SPRY3: variants seen among roughly 807,000 people sequenced by gnomAD.
SPRY3 encodes the protein protein sprouty homolog 3.
In SPRY3, 15 loss-of-function variants were observed where a neutral mutation model predicts 20.2. The ratio of observed to expected loss-of-function variants is 0.74; its 90% CI spans 0.50 to 1.14. The LOEUF (loss-of-function observed/expected upper bound fraction) is 1.14. SPRY3 is among the 50% of genes most tolerant of loss of function. The probability of loss-of-function intolerance (pLI) is 0.00; values close to 1 mark genes in which losing one functional copy is unlikely to be tolerated. For synonymous variants in SPRY3, 143 were observed against 136.5 expected, an observed-to-expected ratio of 1.05 and a Z score of -0.33; for missense variants, 364 against 363.9, an observed-to-expected ratio of 1.00 and a Z score of 0.00.
At chrX:155,669,310 T>G (rs1200604644) in intron 2 of SPRY3, among the ~76,000 whole-genome samples, 1 of 111,627 alleles carries the variant, frequency 9.0e-6, no homozygotes. Context: ...ATTATATTTA[T>G]TTTTTGTATA....
chrX:155,738,835 C>G (rs994199579), intron 2 of SPRY3, among the ~76,000 whole-genome samples: 14 of 152,210 alleles, frequency 9.2e-5, no homozygotes, highest in African/African-American at 3.4e-4. Flanking sequence ...GCTTTGCATA[C>G]TCCACCCTGG....
exon 4 of SPRY3, chrX:155,776,276 G>C (rs1218616990): frequency 6.0e-6 from 1 of 167,136 alleles, no homozygotes; most frequent in African/African-American, 2.4e-5. Context: ...GTGTGGAAAA[G>C]AAAAGCTTAA....
intron 1 of SPRY3, among the ~76,000 whole-genome samples, chrX:155,625,692 A>G (rs1019638537): frequency 1.8e-5 from 2 of 110,895 alleles, no homozygotes; most frequent in Admixed American, 1.9e-4. Flanking sequence ...AGTTTAGAAA[A>G]TTTTCATTAC....
intron 2 of SPRY3, among the ~76,000 whole-genome samples, chrX:155,683,052 A>C (rs1408928005): frequency 8.9e-6 from 1 of 112,097 alleles, no homozygotes; most frequent in Non-Finnish European, 1.9e-5. Context: ...AAACTTTAAC[A>C]TGACGAGGAG....
chrX:155,704,054 C>A (rs1048092605), intron 2 of SPRY3, among the ~76,000 whole-genome samples: 5 of 151,844 alleles, frequency 3.3e-5, no homozygotes, highest in African/African-American at 1.2e-4. Context: ...GGCATAAAAT[C>A]TATTTACCTT....
At chrX:155,759,201 T>C (rs189026826) in intron 2 of SPRY3, among the ~76,000 whole-genome samples, 21 of 152,178 alleles carry the variant, frequency 1.4e-4, no homozygotes, top group Admixed American at 6.6e-4. Context: ...TTTTTGTATT[T>C]TTAGTAGAGA....
chrX:155,748,062 A>G (rs1488337690), intron 2 of SPRY3, among the ~76,000 whole-genome samples: 1 of 151,916 alleles, frequency 6.6e-6, no homozygotes, highest in Non-Finnish European at 1.5e-5. Context: ...CACATGCTGA[A>G]TAGCACTGTT....
chrX:155,753,460 T>C (rs2091272062), intron 2 of SPRY3, among the ~76,000 whole-genome samples: 1 of 151,996 alleles, frequency 6.6e-6, no homozygotes, highest in African/African-American at 2.4e-5. Flanking sequence ...TTCCATTGTA[T>C]GGATAGGTCA....
chrX:155,731,466 G>T (rs1445931411), intron 2 of SPRY3, among the ~76,000 whole-genome samples: 2 of 151,964 alleles, frequency 1.3e-5, no homozygotes, highest in African/African-American at 2.4e-5. Flanking sequence ...CATGCAGAAT[G>T]AAACTAAACC....
chrX:155,651,736 A>G (rs990544696), intron 1 of SPRY3, among the ~76,000 whole-genome samples: 1 of 111,597 alleles, frequency 9.0e-6, no homozygotes, highest in Non-Finnish European at 1.9e-5. Flanking sequence ...TAGTATATGT[A>G]TATATTTATG....
chrX:155,711,635 G>T (rs766460698), intron 2 of SPRY3, among the ~76,000 whole-genome samples: 1 of 147,198 alleles, frequency 6.8e-6, no homozygotes, highest in South Asian at 2.2e-4. Context: ...GTATTGTTTT[G>T]TTCATTTCAG....
chrX:155,766,989 C>A (rs1202468349), intron 2 of SPRY3, among the ~76,000 whole-genome samples: 1 of 152,100 alleles, frequency 6.6e-6, no homozygotes, highest in Non-Finnish European at 1.5e-5. Context: ...TCACTCGGCA[C>A]AGGCTGAGTA....
In SPRY3 at chrX:155,767,401, A is replaced by G. The variant is rs182969445; in HGVS notation, c.-281-561A>G. On this transcript the variant is annotated intron_variant, in intron 2 of 3. Transcript: ENST00000675360. ...CTGCCCCCACTGCAGATTATATACCAACACACCCTGAGCCATATAAATAAT... is the reference window on the plus strand; with the variant it reads ...CTGCCCCCACTGCAGATTATATACCGACACACCCTGAGCCATATAAATAAT... Among the ~76,000 whole-genome samples the G allele has an allele frequency of 4.0e-3, 607 of 152,066 alleles. 51 individuals carry two copies. The East Asian group carries it at 0.11, about 28-fold the overall frequency.
chrX:155,730,660 A>G (rs1438571769), intron 2 of SPRY3, among the ~76,000 whole-genome samples: 1 of 152,110 alleles, frequency 6.6e-6, no homozygotes, highest in African/African-American at 2.4e-5. Flanking sequence ...AGTCCTAGCT[A>G]GAGCAATCAG....
chrX:155,673,210 A>AT (rs2068049028), intron 2 of SPRY3, among the ~76,000 whole-genome samples: 1 of 108,782 alleles, frequency 9.2e-6, no homozygotes, highest in African/African-American at 3.3e-5. Context: ...AACTTAAAGT[A>AT]AAATAATAAA....
chrX:155,628,876 A>G (rs2067896692), intron 1 of SPRY3, among the ~76,000 whole-genome samples: 1 of 111,735 alleles, frequency 8.9e-6, no homozygotes, highest in African/African-American at 3.3e-5. Context: ...TTTGCTTTGC[A>G]TTTCCCTGAT....
At chrX:155,667,564 TG>T (rs1364380205) in intron 2 of SPRY3, among the ~76,000 whole-genome samples, 4 of 111,321 alleles carry the variant, frequency 3.6e-5, no homozygotes, top group African/African-American at 1.3e-4. Flanking sequence ...TGGTGCCTTT[TG>T]TTATACCTAT....
intron 3 of SPRY3, among the ~76,000 whole-genome samples, chrX:155,768,404 T>G (rs1209016284): frequency 6.6e-6 from 1 of 152,178 alleles, no homozygotes; most frequent in Non-Finnish European, 1.5e-5. Context: ...CGAATGTCAA[T>G]TTAATTTCTA....
intron 2 of SPRY3, among the ~76,000 whole-genome samples, chrX:155,704,960 C>G (rs2090939937): frequency 6.6e-6 from 1 of 151,236 alleles, no homozygotes; most frequent in South Asian, 2.1e-4. Context: ...ATCAGACAAG[C>G]AAAAACTGAG....
Sources: gnomAD v4.1 joint callset for allele counts (sites outside exome capture counted in the v4.1 genomes callset) on GRCh38, gnomAD v4.1.1 for gene constraint, MANE v1.5 for transcripts, NCBI Gene and HGNC (gene_info 2026-07-23, HGNC 2026-07-21) for gene names.